MCF2L2: variants seen among roughly 807,000 people sequenced by gnomAD.
MCF2L2 encodes MCF.2 cell line derived transforming sequence-like 2, also known as probable guanine nucleotide exchange factor MCF2L2.
In MCF2L2, 102 loss-of-function variants were observed where a neutral mutation model predicts 150.2. The ratio of observed to expected loss-of-function variants is 0.68; its 90% CI spans 0.58 to 0.80. The LOEUF (loss-of-function observed/expected upper bound fraction) is 0.80, where lower values mean the gene tolerates loss of function less well. Among genes scored for constraint, MCF2L2 ranks in the 30% least tolerant of loss-of-function variants. MCF2L2 has a pLI of 0.00. For missense variants in MCF2L2, 1,256 were observed against 1,372.8 expected, an observed-to-expected ratio of 0.91 and a Z score of 1.34; for synonymous variants, 465 against 491.3, an observed-to-expected ratio of 0.95 and a Z score of 0.71.
intron 15 of MCF2L2, among the ~76,000 whole-genome samples, chr3:183,238,719 C>G (rs1033516862): frequency 6.6e-6 from 1 of 150,532 alleles, no homozygotes. Context: ...GACTCTCGGC[C>G]GGGCGCGGTG....
chr3:183,382,991 T>C (rs1216718542), intron 2 of MCF2L2, among the ~76,000 whole-genome samples: 4 of 152,060 alleles, frequency 2.6e-5, no homozygotes, highest in African/African-American at 7.3e-5. Flanking sequence ...CTACACAAGG[T>C]TTTAACTGGG....
At chr3:183,209,633 C>A (rs978366636) in intron 22 of MCF2L2, among the ~76,000 whole-genome samples, 1 of 151,990 alleles carries the variant, frequency 6.6e-6, no homozygotes, top group African/African-American at 2.4e-5. Context: ...GGATTACAGG[C>A]GTGCATTACC....
chr3:183,206,922 G>A (rs1304300897), intron 23 of MCF2L2, among the ~76,000 whole-genome samples: 3 of 6,806 alleles, frequency 4.4e-4, no homozygotes, highest in African/African-American at 1.3e-3. Context: ...AGAAAGGAAG[G>A]AAGGAAGGAA....
chr3:183,353,316 T>C (rs1246230019), intron 3 of MCF2L2, among the ~76,000 whole-genome samples: 1 of 152,168 alleles, frequency 6.6e-6, no homozygotes, highest in Non-Finnish European at 1.5e-5. Flanking sequence ...GTCAATGCCT[T>C]AGTTCCGTGC....
At chr3:183,311,234 T>G (rs1412534605) in intron 8 of MCF2L2, among the ~76,000 whole-genome samples, 2 of 152,198 alleles carry the variant, frequency 1.3e-5, no homozygotes, top group East Asian at 3.8e-4. Flanking sequence ...ACATCCACAG[T>G]GCAGGCAGTG....
At position 183,378,745 on chromosome 3, in the gene MCF2L2, C is replaced by T. The variant is rs574824596; in HGVS notation, c.275+552G>A. ...CTAAAGCAACAGCCTAGGCCGGGCA[C>T]GGTGGCTCAAGCCTGTAATCCTAGC... On this transcript the variant is annotated intron_variant, in intron 3 of 29. Coordinates refer to ENST00000328913, the MANE Select transcript of MCF2L2 (RefSeq NM_015078.4). The T allele has an allele frequency of 4.0e-4, 60 of 151,894 alleles. 1 individual carries two copies. In the Middle Eastern group the frequency reaches 0.03, roughly 77 times the overall value. 9.4% of individuals were successfully genotyped at this position (151,894 alleles called of 1,614,324 possible). A position where few individuals can be genotyped will look rare whatever the true frequency, so the allele number is the denominator to read the frequency against.
At chr3:183,425,648 C>A (rs1716123707) in intron 1 of MCF2L2, among the ~76,000 whole-genome samples, 2 of 152,298 alleles carry the variant, frequency 1.3e-5, no homozygotes, top group South Asian at 4.1e-4. Flanking sequence ...TACCTTCCTG[C>A]CCTGAGCCTG....
At chr3:183,218,429 G>C (rs948347482) in intron 21 of MCF2L2, among the ~76,000 whole-genome samples, 4 of 152,094 alleles carry the variant, frequency 2.6e-5, no homozygotes, top group African/African-American at 9.7e-5. Flanking sequence ...ACGAGGTCAC[G>C]AGATCGAGAC....
chr3:183,252,511 T>TTG (rs555051453), intron 15 of MCF2L2, among the ~76,000 whole-genome samples: 1 of 152,176 alleles, frequency 6.6e-6, no homozygotes, highest in South Asian at 2.1e-4. Context: ...AGTTTTCATT[T>TTG]TGTGTGTGTG....
rs118181784 is a variant in MCF2L2, at chr3:183,359,453, A to G, written c.276-17823T>C. On this transcript the variant is annotated intron_variant, in intron 3 of 29. Coordinates refer to ENST00000328913, the MANE Select transcript of MCF2L2 (RefSeq NM_015078.4). ...GACTGAAAGATTTTCTTATTCTTTAACAACTGTTCTGCTCACACTCCAGCT... is the reference window on the plus strand; with the variant it reads ...GACTGAAAGATTTTCTTATTCTTTAGCAACTGTTCTGCTCACACTCCAGCT... Among the ~76,000 whole-genome samples, 58 of 152,352 alleles carry G rather than the reference A, an allele frequency of 3.8e-4. 1 individual carries two copies. The East Asian group carries it at 9.6e-3, about 25-fold the overall frequency.
At chr3:183,201,357 G>T (rs1389316024) in intron 25 of MCF2L2, among the ~76,000 whole-genome samples, 1 of 152,058 alleles carries the variant, frequency 6.6e-6, no homozygotes, top group Non-Finnish European at 1.5e-5. Flanking sequence ...TTGTAAGTTG[G>T]ATTCCTAGGT....
Position 183,305,717 on chromosome 3 carries a change from A to T in MCF2L2, c.1113+3999T>A, listed in dbSNP as rs540000998. Among the ~76,000 whole-genome samples the T allele has an allele frequency of 2.0e-5, 3 of 152,158 alleles. No homozygotes were observed. The highest frequency in any genetic ancestry group is 2.0e-4 in the Admixed American group (3 of 15,296). On this transcript the variant is annotated intron_variant, in intron 10 of 29. Coordinates refer to ENST00000328913, the MANE Select transcript of MCF2L2 (RefSeq NM_015078.4). This position sits in a 1 kb window ranked among gnomAD's most constrained non-coding sequence, Gnocchi z 4.1. ...TACAAAAATTAGCCGGGTGTGGTGG[A>T]GGGTACCTGTAGTCCCAGCTACTTG...
At chr3:183,248,995 T>G (rs1724388619) in intron 15 of MCF2L2, among the ~76,000 whole-genome samples, 1 of 152,194 alleles carries the variant, frequency 6.6e-6, no homozygotes, top group South Asian at 2.1e-4. Flanking sequence ...CCAGGGGCTG[T>G]AATTGTCTTC....
intron 20 of MCF2L2, among the ~76,000 whole-genome samples, chr3:183,222,641 AT>A (rs1172163284): frequency 5.9e-5 from 9 of 152,144 alleles, no homozygotes; most frequent in Non-Finnish European, 1.0e-4. Context: ...TTTGTTTTTT[AT>A]TAAGAAATAG....
chr3:183,206,243 T>C (rs1193296436), intron 23 of MCF2L2, 29 bp from the exon 24 acceptor site: 2 of 1,489,876 alleles, frequency 1.3e-6, no homozygotes, highest in Non-Finnish European at 1.9e-6. Context: ...AGAAATGTTC[T>C]ATACCATCGT....
At chr3:183,256,520 C>G (rs1446059650) in intron 15 of MCF2L2, among the ~76,000 whole-genome samples, 1 of 152,134 alleles carries the variant, frequency 6.6e-6, no homozygotes, top group Non-Finnish European at 1.5e-5. Flanking sequence ...GTAACTTATT[C>G]AGATTTCTCT....
At chr3:183,334,939 T>C (rs1001369043) in intron 5 of MCF2L2, among the ~76,000 whole-genome samples, 2 of 151,878 alleles carry the variant, frequency 1.3e-5, no homozygotes, top group Admixed American at 6.6e-5. Context: ...ACTCCATTTC[T>C]ACAAAAAAAT....
chr3:183,399,595 G>C (rs1332746575), intron 1 of MCF2L2, among the ~76,000 whole-genome samples: 2 of 152,156 alleles, frequency 1.3e-5, no homozygotes, highest in Non-Finnish European at 2.9e-5. Context: ...CCAGCCCATC[G>C]AAGGGAAGCG....
intron 2 of MCF2L2, among the ~76,000 whole-genome samples, chr3:183,380,282 TA>T (rs1330839809): frequency 6.6e-6 from 1 of 152,170 alleles, no homozygotes; most frequent in East Asian, 1.9e-4. Flanking sequence ...GGAACCACAG[TA>T]AATTCATGGG....
Sources: gnomAD v4.1 joint callset for allele counts (sites outside exome capture counted in the v4.1 genomes callset) on GRCh38, gnomAD v4.1.1 for gene constraint, Gnocchi (gnomAD v3.1) non-coding constraint, MANE v1.5 for transcripts, NCBI Gene and HGNC (gene_info 2026-07-23, HGNC 2026-07-21) for gene names.